Variants in ATP8A2 observed in about 807,000 individuals in gnomAD.
ATP8A2 encodes the protein phospholipid-transporting ATPase IB.
In ATP8A2, 100 loss-of-function variants were observed where a neutral mutation model predicts 165.6. That is an observed-to-expected ratio of 0.60 (90% CI 0.51 to 0.71). The LOEUF (loss-of-function observed/expected upper bound fraction) is 0.71. Among genes scored for constraint, ATP8A2 ranks in the 30% least tolerant of loss-of-function variants. ATP8A2 has a pLI of 0.00. For missense variants in ATP8A2, 1,227 were observed against 1,479.5 expected, an observed-to-expected ratio of 0.83 and a Z score of 2.80; for synonymous variants, 543 against 548.8, an observed-to-expected ratio of 0.99 and a Z score of 0.15.
intron 33 of ATP8A2, among the ~76,000 whole-genome samples, chr13:25,958,836 A>G (rs1166924236): frequency 6.6e-6 from 1 of 152,236 alleles, no homozygotes; most frequent in Non-Finnish European, 1.5e-5. Flanking sequence ...TCATATTTTC[A>G]ACAAGAGAAT....
intron 1 of ATP8A2, among the ~76,000 whole-genome samples, chr13:25,449,185 T>G (rs2035147295): frequency 6.6e-6 from 1 of 152,200 alleles, no homozygotes. Flanking sequence ...TTTGTTCTTC[T>G]TTTTCTAGTT....
At chr13:25,758,950 C>T (rs1057124473) in intron 25 of ATP8A2, among the ~76,000 whole-genome samples, 4 of 151,744 alleles carry the variant, frequency 2.6e-5, no homozygotes, top group Admixed American at 6.6e-5. Flanking sequence ...TCCTTTCCCA[C>T]CCAAGAAATT....
At chr13:25,774,309 A>C (rs546630061) in intron 26 of ATP8A2, among the ~76,000 whole-genome samples, 24 of 152,280 alleles carry the variant, frequency 1.6e-4, no homozygotes, top group Admixed American at 1.6e-3. Flanking sequence ...TAACACAGGA[A>C]CAGAAAACCA....
intron 33 of ATP8A2, among the ~76,000 whole-genome samples, chr13:25,888,952 T>G (rs932383777): frequency 1.3e-5 from 2 of 152,078 alleles, no homozygotes; most frequent in Non-Finnish European, 2.9e-5. Context: ...TATGTGAAAA[T>G]ACTATTTCTG....
intron 24 of ATP8A2, among the ~76,000 whole-genome samples, chr13:25,614,086 C>T (rs2040760380): frequency 6.6e-6 from 1 of 152,154 alleles, no homozygotes; most frequent in African/African-American, 2.4e-5. Flanking sequence ...TCTAGCAAAG[C>T]CGGAGAAGTT....
At chr13:25,829,720 A>ATATG (rs1951416442) in intron 28 of ATP8A2, among the ~76,000 whole-genome samples, 1 of 103,566 alleles carries the variant, frequency 9.7e-6, no homozygotes, top group African/African-American at 3.7e-5. Flanking sequence ...ATATATATAT[A>ATATG]TCACCTGCTT....
intron 24 of ATP8A2, among the ~76,000 whole-genome samples, chr13:25,603,794 A>G (rs1265510000): frequency 6.6e-6 from 1 of 152,178 alleles, no homozygotes; most frequent in Non-Finnish European, 1.5e-5. Flanking sequence ...GAGAAGAGGA[A>G]GACCATAGGA....
At chr13:25,982,373 T>C (rs973015149) in intron 35 of ATP8A2, among the ~76,000 whole-genome samples, 1 of 152,224 alleles carries the variant, frequency 6.6e-6, no homozygotes, top group Non-Finnish European at 1.5e-5. Flanking sequence ...ACGCAGAAGA[T>C]TGCAGACACG....
At chr13:25,578,176 G>A (rs6491070) in intron 20 of ATP8A2, among the ~76,000 whole-genome samples, 91,685 of 152,090 alleles carry the variant, frequency 0.6, 29,223 homozygotes, top group Middle Eastern at 0.71. Flanking sequence ...GCAAAGGTGT[G>A]TTGTATTTTT....
chr13:25,961,696 C>A, intron 34 of ATP8A2, 33 bp downstream of exon 34: 2 of 1,460,158 alleles, frequency 1.4e-6, no homozygotes, highest in South Asian at 2.3e-5. Flanking sequence ...GACCCTAAGT[C>A]TGGCTCATCT....
Position 25,585,051 on chromosome 13 carries a change from G to A in ATP8A2, c.2146+3094G>A, listed in dbSNP as rs188017416. ...AGTTTAACTTTTTATTCATACCTTAGAAAAAAAACACACAGTCAAATCAAG... is the reference window on the plus strand; with the variant it reads ...AGTTTAACTTTTTATTCATACCTTAAAAAAAAAACACACAGTCAAATCAAG... On this transcript the variant is annotated intron_variant, in intron 23 of 36. Coordinates refer to ENST00000381655, the MANE Select transcript of ATP8A2 (RefSeq NM_016529.6). Among the ~76,000 whole-genome samples, 338 of 151,842 alleles carry A rather than the reference G, an allele frequency of 2.2e-3. 3 individuals carry two copies. The highest frequency in any genetic ancestry group is 7.1e-3 in the African/African-American group (294 of 41,448).
At chr13:25,484,011 T>TAC (rs2137600457) in intron 2 of ATP8A2, among the ~76,000 whole-genome samples, 1 of 152,266 alleles carries the variant, frequency 6.6e-6, no homozygotes, top group African/African-American at 2.4e-5. Context: ...AATCACAAGG[T>TAC]AGGTTTTGGG....
chr13:25,925,645 G>A (rs1310749462), intron 33 of ATP8A2, among the ~76,000 whole-genome samples: 2 of 151,916 alleles, frequency 1.3e-5, no homozygotes, highest in Admixed American at 1.3e-4. Flanking sequence ...AACTAGTAAA[G>A]GGAACAAACA....
intron 25 of ATP8A2, among the ~76,000 whole-genome samples, chr13:25,748,389 C>CT (rs770334668): frequency 4.6e-5 from 7 of 152,062 alleles, no homozygotes; most frequent in African/African-American, 7.2e-5. Context: ...TTTTGGAACT[C>CT]TTTTTTTGTT....
chr13:25,469,619 A>G (rs1362675154), intron 2 of ATP8A2, among the ~76,000 whole-genome samples: 1 of 152,182 alleles, frequency 6.6e-6, no homozygotes, highest in Non-Finnish European at 1.5e-5. Context: ...CTTTGCCCAG[A>G]GTTAGCAGAA....
Position 25,372,172 on chromosome 13 carries a change from C to A in ATP8A2, c.-41C>A, listed in dbSNP as rs768794245. 41 of 1,376,530 alleles carry A rather than the reference C, an allele frequency of 3.0e-5. No individual in the cohort carries two copies. Among genetic ancestry groups the A allele is most frequent in the Non-Finnish European group, 3.7e-5 (39 of 1,044,344 alleles). The allele number at this position is 1,376,530 out of a possible 1,614,324, so 85.3% of individuals were successfully genotyped here. On this transcript the variant is annotated 5_prime_UTR_variant, in exon 1 of 37. Transcript: ENST00000381655. This position sits in a 1 kb window ranked among gnomAD's most constrained non-coding sequence, Gnocchi z 4.8. ...TGCGCCCAGCCCTGCGCGTAGCCTC[C>A]GTCTCTCGCCCGGGGCCGCCGAGCC...
chr13:25,669,805 A>G (rs959185203), intron 24 of ATP8A2, among the ~76,000 whole-genome samples: 1 of 152,192 alleles, frequency 6.6e-6, no homozygotes, highest in Non-Finnish European at 1.5e-5. Context: ...ATCTTTCAAC[A>G]GATGCCACTG....
chr13:25,515,713 A>G (rs377333229), intron 2 of ATP8A2, among the ~76,000 whole-genome samples: 1 of 152,132 alleles, frequency 6.6e-6, no homozygotes, highest in East Asian at 1.9e-4. Context: ...ATGTGTTTCC[A>G]TTTTACAATT....
intron 24 of ATP8A2, among the ~76,000 whole-genome samples, chr13:25,663,361 C>A (rs1319452005): frequency 1.3e-5 from 2 of 152,066 alleles, no homozygotes; most frequent in Non-Finnish European, 2.9e-5. Flanking sequence ...TGAACTTTTT[C>A]TTCGATTGCT....
Sources: allele counts gnomAD v4.1 joint callset (sites outside exome capture counted in the v4.1 genomes callset), GRCh38; gene constraint gnomAD v4.1.1; non-coding constraint Gnocchi (gnomAD v3.1); transcripts MANE v1.5; gene names NCBI Gene and HGNC (gene_info 2026-07-23, HGNC 2026-07-21).